EVC2: variants seen among roughly 807,000 people sequenced by gnomAD.
EVC2 encodes limbin.
A neutral mutation model predicts 149.3 loss-of-function variants in EVC2; 148 were observed. That is an observed-to-expected ratio of 0.99 (90% confidence interval 0.87 to 1.14). The LOEUF is 1.14. Ranked by LOEUF, EVC2 falls within the 50% of genes most tolerant of loss-of-function variation. EVC2 has a pLI of 0.00. For missense variants in EVC2, 1,854 were observed against 1,627.3 expected, an observed-to-expected ratio of 1.14 and a Z score of -2.40; for synonymous variants, 776 against 649.9, an observed-to-expected ratio of 1.19 and a Z score of -2.95.
chr4:5,658,223 G>C (rs1718655979), intron 9 of EVC2, among the ~76,000 whole-genome samples: 2 of 152,170 alleles, frequency 1.3e-5, no homozygotes, highest in South Asian at 4.1e-4. Flanking sequence ...GCAAGAATCT[G>C]TTGGATTCAT....
At chr4:5,671,634 T>C (rs4688947) in intron 7 of EVC2, among the ~76,000 whole-genome samples, 93,512 of 151,912 alleles carry the variant, frequency 0.62, 28,826 homozygotes, top group East Asian at 0.64. Context: ...GCCTCAGCCT[T>C]CCAAGTAGCT....
chr4:5,615,619 G>A, intron 15 of EVC2, 75 bp from the exon 16 acceptor site: 1 of 1,608,882 alleles, frequency 6.2e-7, no homozygotes, highest in Non-Finnish European at 8.5e-7. Flanking sequence ...CGAGGGCTTT[G>A]CAGGTCAAGA....
intron 16 of EVC2, among the ~76,000 whole-genome samples, chr4:5,615,119 C>T (rs756577559): frequency 2.3e-4 from 35 of 152,132 alleles, no homozygotes; most frequent in Non-Finnish European, 4.0e-4. Context: ...CAGGATAGAG[C>T]CAGGCACAAA....
At chr4:5,574,543 G>T in intron 19 of EVC2, 142 bp downstream of exon 19, 1 of 818,634 alleles carries the variant, frequency 1.2e-6, no homozygotes, top group Non-Finnish European at 2.1e-6. Flanking sequence ...GCCCATGCTA[G>T]AGCTTCGCAC....
chr4:5,565,784 T>C (rs898299469), intron 20 of EVC2, among the ~76,000 whole-genome samples: 1 of 152,208 alleles, frequency 6.6e-6, no homozygotes, highest in African/African-American at 2.4e-5. Flanking sequence ...GTTCACCATT[T>C]ATTCTTTCAC....
At chr4:5,645,581 A>G (rs982620604) in intron 9 of EVC2, among the ~76,000 whole-genome samples, 9 of 152,200 alleles carry the variant, frequency 5.9e-5, no homozygotes, top group Non-Finnish European at 1.3e-4. Flanking sequence ...TTACTGTAAA[A>G]GACATGATCT....
chr4:5,567,869 T>C lies in EVC2; in HGVS notation c.3557+575A>G, dbSNP rs1346886251. Among the ~76,000 whole-genome samples the C allele has an allele frequency of 6.6e-6, 1 of 152,120 alleles. No homozygotes were observed. Among genetic ancestry groups the C allele is most frequent in the Admixed American group, 6.5e-5 (1 of 15,268 alleles). ...AGAATAAAATTTAAATGAATAACAC[T>C]AGCAGGAAATAGAATCTAAGTAATG... On this transcript the variant is annotated intron_variant, in intron 20 of 21. Coordinates refer to ENST00000344408, the MANE Select transcript of EVC2 (RefSeq NM_147127.5). This position sits in a 1 kb window ranked among gnomAD's most constrained non-coding sequence, Gnocchi z 4.4.
chr4:5,566,080 C>T (rs1018245887), intron 20 of EVC2, among the ~76,000 whole-genome samples: 2 of 152,242 alleles, frequency 1.3e-5, no homozygotes, highest in South Asian at 2.1e-4. Context: ...AGTGGGAGCT[C>T]CACAACTGCT....
chr4:5,689,088 A>G (rs1177334779), intron 5 of EVC2, 69 bp downstream of exon 5: 3 of 1,559,536 alleles, frequency 1.9e-6, no homozygotes, highest in Non-Finnish European at 1.8e-6. Context: ...GACCCAGAAC[A>G]CATTCACCTG....
In EVC2 at chr4:5,621,732, C is replaced by T. The variant is rs180717339; in HGVS notation, c.2501+805G>A. The stretch of plus-strand genomic sequence containing the variant: ...TGTCTTCATTGTTTCCACCACTCTC[C>T]CATGTCTTTAAAAACTTACTTGTGA... On this transcript the variant is annotated intron_variant, in intron 14 of 21. Transcript: ENST00000344408. 3.2e-3 allele frequency among the ~76,000 whole-genome samples: 480 copies of T among 152,306 alleles called. 1 individual carries two copies. The highest frequency in any genetic ancestry group is 0.011 in the African/African-American group (456 of 41,566).
chr4:5,606,206 C>T (rs1424184532), intron 16 of EVC2, among the ~76,000 whole-genome samples: 1 of 152,204 alleles, frequency 6.6e-6, no homozygotes, highest in Non-Finnish European at 1.5e-5. Flanking sequence ...ACCCGGCTCC[C>T]ACCCACCTCT....
chr4:5,617,862 G>A (rs111341801), intron 15 of EVC2, among the ~76,000 whole-genome samples: 1 of 152,188 alleles, frequency 6.6e-6, no homozygotes, highest in African/African-American at 2.4e-5. Context: ...GGGAACAAGG[G>A]AACAGGACAG....
chr4:5,599,085 G>T (rs1013358073), intron 16 of EVC2, among the ~76,000 whole-genome samples: 3 of 152,046 alleles, frequency 2.0e-5, no homozygotes, highest in African/African-American at 7.3e-5. Context: ...GTGCTGGAGA[G>T]GATGTGGAGA....
chr4:5,603,799 TG>T (rs1477608818), intron 16 of EVC2, among the ~76,000 whole-genome samples: 2 of 152,162 alleles, frequency 1.3e-5, no homozygotes, highest in Non-Finnish European at 2.9e-5. Context: ...AAATAACGGG[TG>T]AAGAGGAAAT....
In EVC2 at chr4:5,584,698, CAAGTCCTGG is replaced by C; in HGVS notation, c.2973_2981del (p.Ile991_Leu994delinsMet). 1 of 1,614,100 alleles carries C rather than the reference CAAGTCCTGG, an allele frequency of 6.2e-7. No homozygotes were observed. Among genetic ancestry groups the C allele is most frequent in the African/African-American group, 1.3e-5 (1 of 75,052 alleles). On this transcript the variant is annotated inframe_deletion, in exon 17 of 22. Transcript: ENST00000344408. ...CAGATGCACTCAGCTCTTCCAGGAG[CAAGTCCTGG>C]ATGCTGAGGAGGGCGGTGTAGGCCG...
chr4:5,540,672 G>C (rs1721494640), downstream of EVC2, among the ~76,000 whole-genome samples: 1 of 152,140 alleles, frequency 6.6e-6, no homozygotes, highest in South Asian at 2.1e-4. Context: ...TGCCCTAGAG[G>C]GAGGAATTTA....
At chr4:5,616,463 G>A (rs1051064326) in intron 15 of EVC2, among the ~76,000 whole-genome samples, 1 of 152,214 alleles carries the variant, frequency 6.6e-6, no homozygotes, top group Non-Finnish European at 1.5e-5. Flanking sequence ...CTAGATCAAA[G>A]AGAAGTATGT....
chr4:5,703,965 C>T (rs559721867), intron 1 of EVC2, among the ~76,000 whole-genome samples: 4 of 152,140 alleles, frequency 2.6e-5, no homozygotes, highest in African/African-American at 4.8e-5. Flanking sequence ...AGGAAAGACC[C>T]GTGCAAGGGC....
rs892254811 is a variant in EVC2 at position 5,549,299 on chromosome 4, T to A, written c.3420-6087A>T. Among the ~76,000 whole-genome samples the A allele has an allele frequency of 3.3e-5, 5 of 152,180 alleles. No individual in the cohort carries two copies. The East Asian group carries it at 9.6e-4, about 29-fold the overall frequency. On this transcript the variant is annotated intron_variant and NMD_transcript_variant, in intron 21 of 22. Coordinates refer to the EVC2 transcript ENST00000475313. ...CTTTCTATTTTACTCCCTGCAATAATTGTAAGATGAGGATTGTTTCATATC... is the reference window on the plus strand; with the variant it reads ...CTTTCTATTTTACTCCCTGCAATAAATGTAAGATGAGGATTGTTTCATATC...
Sources: allele counts gnomAD v4.1 joint callset (sites outside exome capture counted in the v4.1 genomes callset), GRCh38; gene constraint gnomAD v4.1.1; non-coding constraint Gnocchi (gnomAD v3.1); transcripts MANE v1.5; gene names NCBI Gene and HGNC (gene_info 2026-07-23, HGNC 2026-07-21).